The following PKM variants were observed in gnomAD, a reference collection of about 807,000 sequenced individuals.
PKM encodes the protein pyruvate kinase PKM.
Under a neutral mutation model 49.8 loss-of-function variants are expected in PKM, and 18 were observed. The ratio of observed to expected loss-of-function variants is 0.36; its 90% CI spans 0.25 to 0.54. PKM has a LOEUF of 0.54. PKM is among the 20% of genes least tolerant of loss of function. PKM has a pLI of 0.89. For missense variants in PKM, 508 were observed against 713.8 expected (o/e 0.71, Z 3.28); for synonymous variants, 239 against 261.8 (o/e 0.91, Z 0.84).
intron 3 of PKM, among the ~76,000 whole-genome samples, chr15:72,217,096 C>T (rs961047791): frequency 2.0e-5 from 3 of 152,152 alleles, no homozygotes; most frequent in Non-Finnish European, 4.4e-5. Context: ...GTGGCCAGGA[C>T]ACCTAAGGCT....
At chr15:72,229,589 C>T (rs2082785809) in intron 1 of PKM, 3 of 1,286,940 alleles carry the variant, frequency 2.3e-6, no homozygotes, top group African/African-American at 3.0e-5. Context: ...AAGGTGCTTT[C>T]CTGCATCTTC....
chr15:72,220,447 C>T lies in PKM; in HGVS notation c.-13-1337G>A, dbSNP rs141203909. The stretch of plus-strand genomic sequence containing the variant: ...ATCTCTGCCATCTCCAAAGAAGGCC[C>T]GCTGAGGTCCAAGGAGCTCTGAAGG... On this transcript the variant is annotated intron_variant, in intron 1 of 10. Coordinates refer to ENST00000335181, the MANE Select transcript of PKM (RefSeq NM_002654.6). Among the ~76,000 whole-genome samples, 177 of 152,252 alleles carry T rather than the reference C, an allele frequency of 1.2e-3. 3 individuals are homozygous for T. The East Asian group carries it at 0.025, about 21-fold the overall frequency.
rs752757216 is a variant in PKM at position 72,200,507 on chromosome 15, C to T, written c.1456G>A (p.Val486Met). Residue 486 changes from valine (V) to methionine (M), a missense_variant, in exon 10 of 11, where the codon GTG becomes ATG. Transcript: ENST00000335181. This position sits in a 1 kb window ranked among gnomAD's most constrained non-coding sequence, Gnocchi z 4.6. ...ATGGCAAAGTTCACCCGGAGGTCCA[C>T]GTCCTCAGCCCAGGCCTCCTGGACT... ...DPVQEAWAED[V>M]DLRVNFAMNV... The T allele has an allele frequency of 9.9e-6, 16 of 1,613,828 alleles. No individual in the cohort carries two copies. Among genetic ancestry groups the T allele is most frequent in the South Asian group, 3.3e-5 (3 of 91,064 alleles).
Position 72,205,962 on chromosome 15 carries a change from A to G in PKM, c.1140+766T>C, listed in dbSNP as rs567597150. Among the ~76,000 whole-genome samples, 241 of 152,258 alleles carry G rather than the reference A, an allele frequency of 1.6e-3. 1 individual carries two copies. The highest frequency in any genetic ancestry group is 5.3e-3 in the African/African-American group (222 of 41,536). Reference sequence around the variant, plus strand: ...CCAGGCACTCGACATGACAAGCTGGAAGAGCCTGAAGAACGAGCTCTCAGA... The same window carrying G: ...CCAGGCACTCGACATGACAAGCTGGGAGAGCCTGAAGAACGAGCTCTCAGA... On this transcript the variant is annotated intron_variant, in intron 8 of 10. Coordinates refer to ENST00000335181, the MANE Select transcript of PKM (RefSeq NM_002654.6).
intron 2 of PKM, among the ~76,000 whole-genome samples, chr15:72,217,810 G>A (rs1051042121): frequency 6.6e-6 from 1 of 152,194 alleles, no homozygotes; most frequent in African/African-American, 2.4e-5. Flanking sequence ...AATCTTGGTA[G>A]CACAGAACAT....
In PKM at chr15:72,199,487, A is replaced by G. The variant is rs1200286075; in HGVS notation, c.*163T>C. The stretch of plus-strand genomic sequence containing the variant: ...GGGCTGTCCCACTAGAGCAGGCTGC[A>G]AACACAGCCATGTTTCAGTGAGGCG... On this transcript the variant is annotated 3_prime_UTR_variant, in exon 11 of 11. Coordinates refer to ENST00000335181, the MANE Select transcript of PKM (RefSeq NM_002654.6). 1 of 708,562 alleles carries G rather than the reference A, an allele frequency of 1.4e-6. No homozygotes were observed. The highest frequency in any genetic ancestry group is 2.6e-6 in the Non-Finnish European group (1 of 384,718). 43.9% of individuals were successfully genotyped at this position (708,562 alleles called of 1,614,324 possible).
chr15:72,227,775 C>CAAA (rs1394942000), intron 1 of PKM, among the ~76,000 whole-genome samples: 2 of 43,464 alleles, frequency 4.6e-5, no homozygotes, highest in African/African-American at 6.8e-5. Flanking sequence ...AAAAAAAAAA[C>CAAA]AAAAAACTGA....
At chr15:72,212,224 C>T (rs1328421934) in intron 3 of PKM, among the ~76,000 whole-genome samples, 3 of 152,220 alleles carry the variant, frequency 2.0e-5, no homozygotes, top group Non-Finnish European at 4.4e-5. Flanking sequence ...CACCTGTCAT[C>T]TAAACACTTT....
In PKM at chr15:72,199,414, C is replaced by G; in HGVS notation, c.*236G>C. ...CAGGGGCCTCCAGTCCAGCATTCCT[C>G]CTTCTTCCCTTGATTGGGTGGGGCC... On this transcript the variant is annotated 3_prime_UTR_variant, in exon 11 of 11. Transcript: ENST00000335181. 1.5e-6 allele frequency: 1 copy of G among 685,872 alleles called. No homozygotes were observed. The highest frequency in any genetic ancestry group is 2.0e-5 in the Admixed American group (1 of 49,376). 42.5% of individuals were successfully genotyped at this position (685,872 alleles called of 1,614,324 possible). A position where few individuals can be genotyped will look rare whatever the true frequency, so the allele number is the denominator to read the frequency against.
chr15:72,210,364 T>C lies in PKM; in HGVS notation c.361A>G (p.Thr121Ala). ...ALDTKGPEIR[T>A]GLIKGSGTAE... ...ATACTCACGCCCTTGATGAGCCCAGTTCGGATCTCAGGTCCTTTAGTGTCT... is the reference window on the plus strand; with the variant it reads ...ATACTCACGCCCTTGATGAGCCCAGCTCGGATCTCAGGTCCTTTAGTGTCT... The change falls in exon 4 of 11, where the codon ACT (threonine) becomes GCT (alanine). Residue 121 changes from threonine (T) to alanine (A), a missense_variant. By Grantham distance (58) the Thr-to-Ala change is moderately conservative. Coordinates refer to ENST00000335181, the MANE Select transcript of PKM (RefSeq NM_002654.6). 2 of 1,614,146 alleles carry C rather than the reference T, an allele frequency of 1.2e-6. No individual in the cohort carries two copies. Among genetic ancestry groups the C allele is most frequent in the Non-Finnish European group, 1.7e-6 (2 of 1,180,016 alleles).
chr15:72,230,013 G>A (rs1223917278), intron 1 of PKM, among the ~76,000 whole-genome samples: 3 of 152,294 alleles, frequency 2.0e-5, no homozygotes, highest in East Asian at 3.9e-4. Context: ...GCCTGCAGAG[G>A]TTTATCCCGC....
intron 3 of PKM, among the ~76,000 whole-genome samples, chr15:72,213,118 C>T (rs1260824650): frequency 1.3e-5 from 2 of 152,098 alleles, no homozygotes; most frequent in East Asian, 1.9e-4. Flanking sequence ...TACTTAATCC[C>T]GATGTAGAAT....
intron 1 of PKM, among the ~76,000 whole-genome samples, chr15:72,230,414 A>AG (rs2082823802): frequency 6.6e-6 from 1 of 152,054 alleles, no homozygotes; most frequent in African/African-American, 2.4e-5. Context: ...GTGATGGAAA[A>AG]GGGGGGTGGG....
In PKM at chr15:72,199,574, A is replaced by G. The variant is rs751410507; in HGVS notation, c.*76T>C. 9.8e-7 allele frequency: 1 copy of G among 1,019,234 alleles called. No homozygotes were observed. Among genetic ancestry groups the G allele is most frequent in the South Asian group, 1.3e-5 (1 of 76,422 alleles). The allele number at this position is 1,019,234 out of a possible 1,614,324, so 63.1% of individuals were successfully genotyped here. On this transcript the variant is annotated 3_prime_UTR_variant, in exon 11 of 11. Transcript: ENST00000335181. The stretch of plus-strand genomic sequence containing the variant: ...CACGTTACAGCCCAGAGTGAGTTCT[A>G]CAAGCGTTGCTGGCCTAATGGATGG...
chr15:72,199,965 T>C (rs978549391), intron 10 of PKM, among the ~76,000 whole-genome samples: 5 of 152,198 alleles, frequency 3.3e-5, no homozygotes, highest in South Asian at 2.1e-4. Context: ...GCAGGGACCT[T>C]TGGACATCAT....
intron 6 of PKM, among the ~76,000 whole-genome samples, chr15:72,207,876 AGT>A (rs1476777445): frequency 6.6e-6 from 1 of 152,280 alleles, no homozygotes. Context: ...AGGCCACTAC[AGT>A]GGGTGCACAG....
Position 72,208,587 on chromosome 15 carries a change from C to T in PKM, c.836+34G>A, listed in dbSNP as rs373011230. ...ATGGACCATGCCCTTCGGAGAGCTG[C>T]GCTGGGACTGGAGCAGGGACAACGG... On this transcript the variant is annotated intron_variant, in intron 6 of 10. Coordinates refer to ENST00000335181, the MANE Select transcript of PKM (RefSeq NM_002654.6). The T allele has an allele frequency of 1.9e-5, 31 of 1,612,560 alleles. No individual in the cohort carries two copies. The Admixed American group carries it at 2.3e-4, about 12-fold the overall frequency.
At chr15:72,216,033 T>A (rs1341420386) in intron 3 of PKM, among the ~76,000 whole-genome samples, 1 of 152,192 alleles carries the variant, frequency 6.6e-6, no homozygotes, top group East Asian at 1.9e-4. Flanking sequence ...CCATAGGCTG[T>A]TTATGAACAC....
At chr15:72,229,552 T>C in intron 1 of PKM, 1 of 1,287,330 alleles carries the variant, frequency 7.8e-7, no homozygotes, top group Non-Finnish European at 1.0e-6. Context: ...CTTACATGAC[T>C]GAGTCTTTAA....
Sources: gnomAD v4.1 joint callset for allele counts (sites outside exome capture counted in the v4.1 genomes callset) on GRCh38, gnomAD v4.1.1 for gene constraint, Gnocchi (gnomAD v3.1) non-coding constraint, MANE v1.5 for transcripts, NCBI Gene and HGNC (gene_info 2026-07-23, HGNC 2026-07-21) for gene names.